The following HDAC9 variants were observed in gnomAD, a reference collection of about 807,000 sequenced individuals.
HDAC9 encodes MEF-2 interacting transcription repressor (MITR) protein.
Under a neutral mutation model 139.4 loss-of-function variants are expected in HDAC9, and 41 were observed. That is an observed-to-expected ratio of 0.29 (90% CI 0.23 to 0.38). The LOEUF (loss-of-function observed/expected upper bound fraction) is 0.38. Ranked by LOEUF, HDAC9 falls within the 10% of genes least tolerant of loss-of-function variation. HDAC9 has a pLI of 1.00. For missense variants in HDAC9, 1,147 were observed against 1,297.0 expected, an observed-to-expected ratio of 0.88 and a Z score of 1.78; for synonymous variants, 517 against 476.2, an observed-to-expected ratio of 1.09 and a Z score of -1.12.
At position 18,175,240 on chromosome 7, in the gene HDAC9, C is replaced by T. The variant is rs1400436690; in HGVS notation, c.25+12891C>T. Among the ~76,000 whole-genome samples the T allele has an allele frequency of 2.0e-5, 3 of 152,204 alleles. No individual in the cohort carries two copies. In the East Asian group the frequency reaches 5.8e-4, roughly 29 times the overall value. On this transcript the variant is annotated intron_variant, in intron 2 of 12. Transcript: ENST00000417496. ...TGCCACGCTAGCAGTGAGCAAGGTTCTGTGGGTGTGGGACCTGCCAAGCCA... is the reference window on the plus strand; with the variant it reads ...TGCCACGCTAGCAGTGAGCAAGGTTTTGTGGGTGTGGGACCTGCCAAGCCA...
intron 1 of HDAC9, among the ~76,000 whole-genome samples, chr7:18,152,071 A>G (rs929127196): frequency 6.7e-6 from 1 of 148,570 alleles, no homozygotes; most frequent in Non-Finnish European, 1.5e-5. Context: ...AGAACTCCCT[A>G]CTCCTAATTC....
At chr7:18,162,592 G>C in intron 2 of HDAC9, 1 of 517,772 alleles carries the variant, frequency 1.9e-6, no homozygotes, top group Admixed American at 3.4e-5. Flanking sequence ...TAATTCTTCT[G>C]CTTCCAAGGT....
At chr7:18,712,797 A>G (rs1455042132) in intron 12 of HDAC9, among the ~76,000 whole-genome samples, 1 of 152,246 alleles carries the variant, frequency 6.6e-6, no homozygotes, top group Non-Finnish European at 1.5e-5. Flanking sequence ...AAATTATAAT[A>G]GCATGTGCAT....
Position 18,997,881 on chromosome 7 carries a change from A to G in HDAC9, c.*1819A>G, listed in dbSNP as rs970115628. On this transcript the variant is annotated 3_prime_UTR_variant, in exon 26 of 26. Coordinates refer to ENST00000686413, the MANE Select transcript of HDAC9 (RefSeq NM_178425.4). ...TGGTTTAACTTCTTAGAAATTTGAG[A>G]CACCCTTTGAAATAGGAAATCTGAA... The G allele has an allele frequency of 6.6e-6, 1 of 152,178 alleles. No homozygotes were observed. Among genetic ancestry groups the G allele is most frequent in the African/African-American group, 2.4e-5 (1 of 41,466 alleles). 9.4% of individuals were successfully genotyped at this position (152,178 alleles called of 1,614,324 possible). A position where few individuals can be genotyped will look rare whatever the true frequency, so the allele number is the denominator to read the frequency against.
chr7:18,816,757 C>T (rs111831682), intron 17 of HDAC9, among the ~76,000 whole-genome samples: 17 of 152,308 alleles, frequency 1.1e-4, no homozygotes, highest in African/African-American at 3.6e-4. Flanking sequence ...CAATTTTTAA[C>T]GTACCAGTGA....
chr7:18,898,635 C>T (rs1801426630), intron 22 of HDAC9, among the ~76,000 whole-genome samples: 1 of 151,822 alleles, frequency 6.6e-6, no homozygotes, highest in Non-Finnish European at 1.5e-5. Flanking sequence ...AGGGTGTTTA[C>T]TGTATATATA....
At chr7:18,111,043 C>T (rs935837167) in intron 1 of HDAC9, among the ~76,000 whole-genome samples, 2 of 152,148 alleles carry the variant, frequency 1.3e-5, no homozygotes, top group Non-Finnish European at 2.9e-5. Flanking sequence ...TTTGTATTTT[C>T]ATCAGTTCCT....
chr7:18,478,230 C>A (rs572333150), intron 1 of HDAC9, among the ~76,000 whole-genome samples: 5 of 152,240 alleles, frequency 3.3e-5, no homozygotes, highest in Non-Finnish European at 7.4e-5. Flanking sequence ...CGCCACCATG[C>A]CCCGGTAATA....
intron 1 of HDAC9, among the ~76,000 whole-genome samples, chr7:18,321,731 C>T (rs1800044514): frequency 6.6e-6 from 1 of 152,098 alleles, no homozygotes; most frequent in South Asian, 2.1e-4. Context: ...CTGAACTAAG[C>T]CAAGTTCCAA....
At chr7:18,564,125 G>A (rs1430838876) in intron 2 of HDAC9, among the ~76,000 whole-genome samples, 3 of 151,940 alleles carry the variant, frequency 2.0e-5, no homozygotes, top group Non-Finnish European at 2.9e-5. Context: ...GTGAGCCACC[G>A]CACTCGGCCA....
intron 25 of HDAC9, 149 bp downstream of exon 25, chr7:18,976,102 CT>C (rs1374554222): frequency 5.2e-5 from 38 of 729,096 alleles, no homozygotes; most frequent in Non-Finnish European, 7.6e-5. Flanking sequence ...ACAGCACATG[CT>C]TTAGGCTATC....
intron 25 of HDAC9, among the ~76,000 whole-genome samples, chr7:18,993,051 C>CCAAA (rs1786118859): frequency 6.7e-6 from 1 of 150,130 alleles, no homozygotes. Context: ...TCTCATTCCT[C>CCAAA]CAAACACAGC....
intron 1 of HDAC9, among the ~76,000 whole-genome samples, chr7:18,435,361 A>C (rs1791090913): frequency 1.3e-5 from 2 of 151,962 alleles, no homozygotes; most frequent in South Asian, 4.2e-4. Context: ...CAAGACATGC[A>C]ATTTACCTAT....
intron 22 of HDAC9, among the ~76,000 whole-genome samples, chr7:18,878,607 A>G (rs970034748): frequency 6.6e-6 from 1 of 152,190 alleles, no homozygotes; most frequent in Admixed American, 6.5e-5. Context: ...ATAAAATTCA[A>G]CGCCCCTTCT....
intron 2 of HDAC9, among the ~76,000 whole-genome samples, chr7:18,228,931 G>A (rs2128181779): frequency 6.6e-6 from 1 of 152,266 alleles, no homozygotes. Context: ...TGTGTGCTGA[G>A]GTCAAAATCC....
chr7:18,553,035 A>G (rs1259231268), intron 2 of HDAC9, among the ~76,000 whole-genome samples: 1 of 152,190 alleles, frequency 6.6e-6, no homozygotes, highest in African/African-American at 2.4e-5. Context: ...CTACTTTTGA[A>G]CTAGGTCTTT....
At chr7:18,699,865 C>CT (rs1185157951) in intron 12 of HDAC9, among the ~76,000 whole-genome samples, 1 of 151,744 alleles carries the variant, frequency 6.6e-6, no homozygotes, top group Non-Finnish European at 1.5e-5. Flanking sequence ...CTTCAAAGTC[C>CT]TTTTTTTGTA....
chr7:18,302,343 C>G (rs921818585), intron 1 of HDAC9, among the ~76,000 whole-genome samples: 1 of 152,124 alleles, frequency 6.6e-6, no homozygotes, highest in African/African-American at 2.4e-5. Context: ...GGAAGGAATC[C>G]AGATGATGAT....
intron 6 of HDAC9, among the ~76,000 whole-genome samples, chr7:18,598,460 A>G (rs748416171): frequency 6.6e-6 from 1 of 152,160 alleles, no homozygotes; most frequent in African/African-American, 2.4e-5. Context: ...CACACATACC[A>G]CTTGGAAATT....
Sources: gnomAD v4.1 joint callset for allele counts (sites outside exome capture counted in the v4.1 genomes callset) on GRCh38, gnomAD v4.1.1 for gene constraint, MANE v1.5 for transcripts, NCBI Gene and HGNC (gene_info 2026-07-23, HGNC 2026-07-21) for gene names.